LRRC4C: variants seen among roughly 807,000 people sequenced by gnomAD.
The protein encoded by LRRC4C is leucine rich repeat containing 4C, also known as leucine-rich repeat-containing protein 4C.
In LRRC4C, 5 loss-of-function variants were observed where a neutral mutation model predicts 33.6. The ratio of observed to expected loss-of-function variants is 0.15; its 90% CI spans 0.08 to 0.31. The LOEUF is 0.31. Among genes scored for constraint, LRRC4C ranks in the 10% least tolerant of loss-of-function variants. The probability of loss-of-function intolerance (pLI) is 1.00; values close to 1 mark genes in which losing one functional copy is unlikely to be tolerated. For missense variants in LRRC4C, 560 were observed against 796.7 expected (o/e 0.70, Z 3.58); for synonymous variants, 329 against 302.0 (o/e 1.09, Z -0.93).
intron 3 of LRRC4C, among the ~76,000 whole-genome samples, chr11:40,627,782 T>G (rs1001076556): frequency 6.6e-6 from 1 of 152,176 alleles, no homozygotes; most frequent in Non-Finnish European, 1.5e-5. Flanking sequence ...TGAAGAAACA[T>G]TTCTCTAAAT....
chr11:40,408,738 A>G (rs916349748), intron 3 of LRRC4C, among the ~76,000 whole-genome samples: 1 of 151,966 alleles, frequency 6.6e-6, no homozygotes, highest in Non-Finnish European at 1.5e-5. Context: ...AATGTCCATG[A>G]AAACTATAAA....
chr11:40,904,403 A>AT (rs61172176), intron 2 of LRRC4C, among the ~76,000 whole-genome samples: 41 of 151,496 alleles, frequency 2.7e-4, no homozygotes, highest in South Asian at 1.7e-3. Flanking sequence ...CTGGCAAAAT[A>AT]TTTTTTTTTC....
intron 1 of LRRC4C, among the ~76,000 whole-genome samples, chr11:41,296,787 G>A (rs183737830): frequency 9.0e-4 from 136 of 151,858 alleles, no homozygotes; most frequent in African/African-American, 2.5e-3. Context: ...CTTTATGTCC[G>A]GAAGAAAAAT....
intron 2 of LRRC4C, among the ~76,000 whole-genome samples, chr11:40,930,208 GA>G (rs1957560846): frequency 6.6e-6 from 1 of 152,146 alleles, no homozygotes; most frequent in Non-Finnish European, 1.5e-5. Flanking sequence ...AGGTAGCCAA[GA>G]AAAATACCAA....
intron 1 of LRRC4C, among the ~76,000 whole-genome samples, chr11:41,303,966 C>A (rs1269887020): frequency 1.1e-5 from 1 of 94,764 alleles, no homozygotes; most frequent in East Asian, 5.2e-4. Flanking sequence ...AGCGTCTCCG[C>A]CCGGCAGCCA....
intron 3 of LRRC4C, among the ~76,000 whole-genome samples, chr11:40,412,746 C>T (rs1565363208): frequency 2.0e-5 from 3 of 152,132 alleles, no homozygotes; most frequent in East Asian, 3.9e-4. Context: ...CAAATTCTGC[C>T]TCCACCCCTG....
intron 1 of LRRC4C, among the ~76,000 whole-genome samples, chr11:41,092,901 T>C (rs1474034185): frequency 6.6e-6 from 1 of 152,248 alleles, no homozygotes; most frequent in Non-Finnish European, 1.5e-5. Flanking sequence ...GATGTTCTTT[T>C]AACTCTAGAA....
intron 2 of LRRC4C, among the ~76,000 whole-genome samples, chr11:40,787,036 G>A (rs1950438306): frequency 6.6e-6 from 1 of 152,022 alleles, no homozygotes. Context: ...CAGGCAATCC[G>A]AGACACTCAC....
intron 2 of LRRC4C, among the ~76,000 whole-genome samples, chr11:40,906,712 GTGTGTGTGTGTA>G (rs1394195651): frequency 6.6e-6 from 1 of 151,996 alleles, no homozygotes; most frequent in African/African-American, 2.4e-5. Flanking sequence ...CTCTCTCTGT[GTGTGTGTGTGTA>G]TGTGTGTGTA....
chr11:40,865,418 C>A (rs1376451502), intron 2 of LRRC4C, among the ~76,000 whole-genome samples: 2 of 151,428 alleles, frequency 1.3e-5, no homozygotes, highest in Non-Finnish European at 2.9e-5. Flanking sequence ...TTGGAAAATG[C>A]TAAACAAAAT....
At position 41,015,388 on chromosome 11, in the gene LRRC4C, GCA is replaced by G. The variant is rs1855508845; in HGVS notation, c.-495-81667_-495-81666del. ...CTGTTGCCCAGGCTGGAGTGTGGTG[GCA>G]CAGTCTTAGCTCACTGCAACTTCTA... On this transcript the variant is annotated intron_variant, in intron 1 of 6. Transcript: ENST00000528697. 2.0e-5 allele frequency among the ~76,000 whole-genome samples: 3 copies of G among 152,062 alleles called. No homozygotes were observed. The South Asian group carries it at 6.2e-4, about 31-fold the overall frequency.
At chr11:41,164,963 G>A (rs1052120811) in intron 1 of LRRC4C, among the ~76,000 whole-genome samples, 3 of 152,070 alleles carry the variant, frequency 2.0e-5, no homozygotes, top group Admixed American at 6.6e-5. Flanking sequence ...TCCCAGGATC[G>A]ATTGTATCTT....
At chr11:40,356,199 C>G (rs1453891301) in intron 3 of LRRC4C, among the ~76,000 whole-genome samples, 5 of 152,174 alleles carry the variant, frequency 3.3e-5, no homozygotes, top group Admixed American at 6.5e-5. Context: ...ACACTCCTAC[C>G]AGTACCTATT....
intron 1 of LRRC4C, among the ~76,000 whole-genome samples, chr11:41,271,224 C>T (rs1949309261): frequency 2.0e-5 from 3 of 152,166 alleles, no homozygotes; most frequent in South Asian, 4.1e-4. Flanking sequence ...TTCCTCCTTC[C>T]TAACTTAAGT....
chr11:41,139,402 A>G (rs1943406694), intron 1 of LRRC4C, among the ~76,000 whole-genome samples: 2 of 152,200 alleles, frequency 1.3e-5, no homozygotes, highest in Admixed American at 6.5e-5. Context: ...TTCTGACTCT[A>G]GTTACAAAGG....
At chr11:41,034,642 G>A (rs1856952749) in intron 1 of LRRC4C, among the ~76,000 whole-genome samples, 1 of 126,480 alleles carries the variant, frequency 7.9e-6, no homozygotes, top group South Asian at 2.6e-4. Flanking sequence ...TATATATGAG[G>A]TGAGAGTTAT....
intron 2 of LRRC4C, among the ~76,000 whole-genome samples, chr11:40,771,625 G>A (rs1949760642): frequency 6.6e-6 from 1 of 152,028 alleles, no homozygotes; most frequent in Admixed American, 6.5e-5. Context: ...GCTTCCTGTT[G>A]AATGCTTTGC....
chr11:40,137,423 G>A (rs990625714), intron 6 of LRRC4C, among the ~76,000 whole-genome samples: 10 of 152,016 alleles, frequency 6.6e-5, no homozygotes, highest in African/African-American at 1.9e-4. Flanking sequence ...CAAAGTCATT[G>A]CCTCATTTAT....
In LRRC4C at chr11:40,502,248, T is replaced by C. The variant is rs148394911; in HGVS notation, c.-270+145894A>G. On this transcript the variant is annotated intron_variant, in intron 3 of 6. Transcript: ENST00000528697. ...AATTTTCCCACATTTTCCTGTCTTC[T>C]TCTGAGTCATCCAAAATGTTCCAAT... Among the ~76,000 whole-genome samples, 572 of 152,352 alleles carry C rather than the reference T, an allele frequency of 3.8e-3. 4 individuals are homozygous for C. Among genetic ancestry groups the C allele is most frequent in the Non-Finnish European group, 5.4e-3 (369 of 68,020 alleles).
Sources: gnomAD v4.1 joint callset for allele counts (sites outside exome capture counted in the v4.1 genomes callset) on GRCh38, gnomAD v4.1.1 for gene constraint, MANE v1.5 for transcripts, NCBI Gene and HGNC (gene_info 2026-07-23, HGNC 2026-07-21) for gene names.